PKHD1L1: variants seen among roughly 807,000 people sequenced by gnomAD.
PKHD1L1 encodes the protein PKHD1 like 1.
A neutral mutation model predicts 462.9 loss-of-function variants in PKHD1L1; 434 were observed. The ratio of observed to expected loss-of-function variants is 0.94; its 90% CI spans 0.87 to 1.02. The LOEUF (loss-of-function observed/expected upper bound fraction) is 1.02, where lower values mean the gene tolerates loss of function less well. Ranked by LOEUF, PKHD1L1 falls within the 50% of genes least tolerant of loss-of-function variation. The probability of loss-of-function intolerance (pLI) is 0.00; values close to 1 mark genes in which losing one functional copy is unlikely to be tolerated. For missense variants in PKHD1L1, 5,202 were observed against 5,096.1 expected, an observed-to-expected ratio of 1.02 and a Z score of -0.63; for synonymous variants, 1,781 against 1,750.0, an observed-to-expected ratio of 1.02 and a Z score of -0.44.
At chr8:109,430,146 C>T in intron 27 of PKHD1L1, 109 bp downstream of exon 27, 7 of 663,590 alleles carry the variant, frequency 1.1e-5, no homozygotes, top group Non-Finnish European at 1.8e-5. Context: ...CTAGCTAAAG[C>T]AAGCAAACAG....
intron 23 of PKHD1L1, among the ~76,000 whole-genome samples, chr8:109,423,334 G>C (rs1326947126): frequency 6.6e-6 from 1 of 151,970 alleles, no homozygotes; most frequent in Non-Finnish European, 1.5e-5. Flanking sequence ...TTTCGTTGAG[G>C]TTCATTTGTT....
intron 35 of PKHD1L1, 115 bp downstream of exon 35, chr8:109,442,310 T>C: frequency 1.9e-6 from 2 of 1,034,374 alleles, no homozygotes; most frequent in Non-Finnish European, 1.3e-6. Flanking sequence ...CACAAATGCG[T>C]AAGGTATTTG....
chr8:109,474,674 T>C (rs1272037877), intron 50 of PKHD1L1, among the ~76,000 whole-genome samples: 1 of 152,090 alleles, frequency 6.6e-6, no homozygotes, highest in Non-Finnish European at 1.5e-5. Context: ...TTTTATATAT[T>C]CTACATCAAG....
At chr8:109,524,189 C>G (rs547191592) in intron 76 of PKHD1L1, among the ~76,000 whole-genome samples, 1 of 152,106 alleles carries the variant, frequency 6.6e-6, no homozygotes, top group African/African-American at 2.4e-5. Flanking sequence ...TTTGTCCCAA[C>G]TCAGGGCCTA....
At chr8:109,385,276 C>A (rs542898572) in intron 5 of PKHD1L1, among the ~76,000 whole-genome samples, 3 of 148,978 alleles carry the variant, frequency 2.0e-5, no homozygotes, top group Admixed American at 6.7e-5. Context: ...CAAATAGTCA[C>A]CGATTGACCC....
rs541828583 is a variant in PKHD1L1 at position 109,534,047 on chromosome 8, T to C, written c.*3957T>C. ...CATCAGATGTCTGAGATGGCAAAAT[T>C]TGGAAGGATCAAGAGAACAGAGAGT... On this transcript the variant is annotated 3_prime_UTR_variant, in exon 78 of 78. Transcript: ENST00000378402. Among the ~76,000 whole-genome samples the C allele has an allele frequency of 6.6e-6, 1 of 152,328 alleles. No individual in the cohort carries two copies. The highest frequency in any genetic ancestry group is 1.9e-4 in the East Asian group (1 of 5,178).
Position 109,408,215 on chromosome 8 carries a change from T to A in PKHD1L1, c.1971+9T>A, listed in dbSNP as rs754844782. Reference sequence around the variant, plus strand: ...GGTCATCAGAAGCTGAAGTACGGTGTAGGAATGTTTCTACCACGCATTTTC... The same window carrying A: ...GGTCATCAGAAGCTGAAGTACGGTGAAGGAATGTTTCTACCACGCATTTTC... On this transcript the variant is annotated intron_variant, in intron 18 of 77. Coordinates refer to ENST00000378402, the MANE Select transcript of PKHD1L1 (RefSeq NM_177531.6). 6.8e-6 allele frequency: 11 copies of A among 1,606,736 alleles called. No individual in the cohort carries two copies. The highest frequency in any genetic ancestry group is 1.3e-5 in the African/African-American group (1 of 74,744).
intron 16 of PKHD1L1, among the ~76,000 whole-genome samples, chr8:109,405,785 A>G (rs560718411): frequency 6.6e-5 from 10 of 152,272 alleles, no homozygotes; most frequent in Admixed American, 5.2e-4. Flanking sequence ...AGGTGCAGCA[A>G]ACCACCATGA....
intron 17 of PKHD1L1, among the ~76,000 whole-genome samples, chr8:109,406,878 A>C (rs1285210527): frequency 6.6e-6 from 1 of 152,006 alleles, no homozygotes; most frequent in African/African-American, 2.4e-5. Context: ...TTCCTTGAAG[A>C]TTGACAGAGC....
At chr8:109,482,159 G>A (rs1437279771) in intron 56 of PKHD1L1, among the ~76,000 whole-genome samples, 5 of 151,712 alleles carry the variant, frequency 3.3e-5, no homozygotes, top group African/African-American at 1.2e-4. Flanking sequence ...TTTTATGAAT[G>A]GTACTGCATA....
intron 71 of PKHD1L1, among the ~76,000 whole-genome samples, chr8:109,513,709 A>G (rs1361857996): frequency 6.6e-6 from 1 of 152,088 alleles, no homozygotes; most frequent in Non-Finnish European, 1.5e-5. Flanking sequence ...CCTTCGCTCC[A>G]GACAAAACCT....
At chr8:109,446,399 T>C (rs1315811995) in intron 38 of PKHD1L1, among the ~76,000 whole-genome samples, 2 of 152,184 alleles carry the variant, frequency 1.3e-5, no homozygotes, top group Non-Finnish European at 2.9e-5. Context: ...AAACATCAAT[T>C]TCCTTATTTA....
chr8:109,404,447 T>C, intron 14 of PKHD1L1, 107 bp from the exon 15 acceptor site: 1 of 652,120 alleles, frequency 1.5e-6, no homozygotes, highest in Non-Finnish European at 2.3e-6. Context: ...ATATAAGTCA[T>C]TTAACAGGCA....
At chr8:109,456,505 A>G in intron 46 of PKHD1L1, 114 bp downstream of exon 46, 1 of 1,046,996 alleles carries the variant, frequency 9.6e-7, no homozygotes, top group Admixed American at 3.5e-5. Context: ...GAAATCTCTA[A>G]TAAAGAAATA....
intron 3 of PKHD1L1, 128 bp downstream of exon 3, chr8:109,381,642 T>C: frequency 8.4e-6 from 6 of 713,732 alleles, no homozygotes; most frequent in Admixed American, 3.7e-5. Flanking sequence ...TATAGGTTAG[T>C]ATTTTTCATT....
intron 28 of PKHD1L1, 120 bp from the exon 29 acceptor site, chr8:109,435,070 T>C: frequency 9.9e-7 from 1 of 1,012,876 alleles, no homozygotes; most frequent in South Asian, 1.6e-5. Flanking sequence ...ATTGGTTTTC[T>C]TTGGATATAC....
At chr8:109,376,169 A>C (rs1811813793) in intron 2 of PKHD1L1, among the ~76,000 whole-genome samples, 1 of 152,204 alleles carries the variant, frequency 6.6e-6, no homozygotes, top group Non-Finnish European at 1.5e-5. Flanking sequence ...CTTCCTGGCC[A>C]CTTTGTTTAC....
intron 55 of PKHD1L1, among the ~76,000 whole-genome samples, 186 bp downstream of exon 55, chr8:109,480,325 C>T (rs757791984): frequency 2.0e-5 from 3 of 151,990 alleles, no homozygotes; most frequent in Non-Finnish European, 4.4e-5. Context: ...ATGGACTAAA[C>T]ATTTCTTAGG....
At chr8:109,477,448 T>C in intron 53 of PKHD1L1, 52 bp downstream of exon 53, 2 of 1,450,230 alleles carry the variant, frequency 1.4e-6, no homozygotes, top group Non-Finnish European at 1.9e-6. Context: ...AACATAATCC[T>C]TTTCACATGT....
Sources: allele counts gnomAD v4.1 joint callset (sites outside exome capture counted in the v4.1 genomes callset), GRCh38; gene constraint gnomAD v4.1.1; transcripts MANE v1.5; gene names NCBI Gene and HGNC (gene_info 2026-07-23, HGNC 2026-07-21).